SERPINE3: variants seen among roughly 807,000 people sequenced by gnomAD.
SERPINE3 encodes the protein serpin E3.
In SERPINE3, 43 loss-of-function variants were observed where a neutral mutation model predicts 41.7. That is an observed-to-expected ratio of 1.03 (90% confidence interval 0.81 to 1.33). SERPINE3 has a LOEUF of 1.33. SERPINE3 is among the 40% of genes most tolerant of loss of function. SERPINE3 has a pLI of 0.00. For missense variants in SERPINE3, 440 were observed against 491.7 expected (o/e 0.89, Z 0.99); for synonymous variants, 200 against 192.2 (o/e 1.04, Z -0.34).
intron 7 of SERPINE3, among the ~76,000 whole-genome samples, chr13:51,358,452 G>A (rs1437382613): frequency 3.9e-5 from 6 of 152,110 alleles, no homozygotes. Flanking sequence ...CACCAACAAA[G>A]CACTGAAACA....
chr13:51,339,740 G>T lies in SERPINE3; in HGVS notation c.-99G>T, dbSNP rs1955272328. On this transcript the variant is annotated 5_prime_UTR_variant, in exon 1 of 10. Transcript: ENST00000681248. The stretch of plus-strand genomic sequence containing the variant: ...GGAAACGTGCAACAGTGATACAAAA[G>T]TCTGTGAGTACGTGGCTCATTCGAG... 1 of 152,258 alleles carries T rather than the reference G, an allele frequency of 6.6e-6. No individual in the cohort carries two copies. The highest frequency in any genetic ancestry group is 6.5e-5 in the Admixed American group (1 of 15,286). The allele number at this position is 152,258 out of a possible 1,614,324, so 9.4% of individuals were successfully genotyped here. A position where few individuals can be genotyped will look rare whatever the true frequency, so the allele number is the denominator to read the frequency against.
At chr13:51,355,249 TAAGA>T (rs1307470439) in intron 7 of SERPINE3, 106 bp downstream of exon 7, 2 of 466,438 alleles carry the variant, frequency 4.3e-6, no homozygotes, top group Non-Finnish European at 7.6e-6. Flanking sequence ...TGTAAAAGAA[TAAGA>T]AAGGTGCTCT....
intron 3 of SERPINE3, among the ~76,000 whole-genome samples, chr13:51,344,042 G>A (rs1248207683): frequency 6.6e-6 from 1 of 152,122 alleles, no homozygotes. Flanking sequence ...TATCTAGCAT[G>A]GTTTCTTCCC....
At chr13:51,350,888 A>G (rs1955396785) in intron 6 of SERPINE3, among the ~76,000 whole-genome samples, 1 of 152,172 alleles carries the variant, frequency 6.6e-6, no homozygotes, top group Non-Finnish European at 1.5e-5. Context: ...ATACAATTAC[A>G]TATTGTACAA....
intron 3 of SERPINE3, among the ~76,000 whole-genome samples, chr13:51,343,817 T>A (rs1169551716): frequency 1.3e-5 from 2 of 152,202 alleles, no homozygotes; most frequent in Non-Finnish European, 2.9e-5. Flanking sequence ...CCACCTCCCA[T>A]CATTGTCACT....
intron 4 of SERPINE3, among the ~76,000 whole-genome samples, chr13:51,345,962 G>A (rs1955342145): frequency 6.6e-6 from 1 of 152,174 alleles, no homozygotes; most frequent in South Asian, 2.1e-4. Context: ...CTATTTCAAT[G>A]CAATCCACAT....
rs746148500 is a variant in SERPINE3 at position 51,341,224 on chromosome 13, A to C, written c.133A>C (p.Arg45=). The change falls in exon 3 of 10, where the codon AGA becomes CGA. Residue 45 remains arginine (R), a synonymous_variant. Coordinates refer to ENST00000681248, the MANE Select transcript of SERPINE3 (RefSeq NM_001386375.1). The part of the protein sequence containing the change: ...LHLYQSVAAC[R]NETNFVISPA... ...CCTCTACCAGAGTGTGGCCGCGTGT[A>C]GAAATGAGACGAACTTTGTCATCTC... is the stretch of plus-strand genomic sequence containing the variant. The C allele has an allele frequency of 1.2e-6, 2 of 1,614,008 alleles. No homozygotes were observed. Among genetic ancestry groups the C allele is most frequent in the South Asian group, 2.2e-5 (2 of 91,086 alleles).
chr13:51,344,288 CCA>C lies in SERPINE3; in HGVS notation c.297_298del (p.Leu100ThrfsTer36), dbSNP rs1437958970. 8 of 1,613,794 alleles carry C rather than the reference CCA, an allele frequency of 5.0e-6. No homozygotes were observed. Among genetic ancestry groups the C allele is most frequent in the Middle Eastern group, 3.3e-4 (2 of 6,084 alleles). ...AAAGATTTCTTGCATGCTGTTTATG[CCA>C]CACTACCCACCTCCAGCCAAGGCAC... On this transcript the variant is annotated frameshift_variant, in exon 4 of 10. Transcript: ENST00000681248. LOFTEE classifies it high-confidence loss of function.
intron 5 of SERPINE3, among the ~76,000 whole-genome samples, chr13:51,347,972 C>G (rs1955365740): frequency 6.6e-6 from 1 of 152,118 alleles, no homozygotes; most frequent in Non-Finnish European, 1.5e-5. Flanking sequence ...CCCCCATACC[C>G]AGTCCTAGAG....
chr13:51,350,779 T>C (rs568956519), intron 6 of SERPINE3, among the ~76,000 whole-genome samples: 2 of 152,262 alleles, frequency 1.3e-5, no homozygotes, highest in South Asian at 4.1e-4. Context: ...CCATATCCAT[T>C]AGCAGTCACT....
intron 4 of SERPINE3, among the ~76,000 whole-genome samples, chr13:51,344,722 G>A (rs1476829667): frequency 4.6e-5 from 7 of 151,322 alleles, no homozygotes; most frequent in South Asian, 2.1e-4. Context: ...ACACACACAC[G>A]AGCCACAAGA....
At chr13:51,361,137 A>AGG (rs1465117699) in intron 7 of SERPINE3, 141 bp from the exon 8 acceptor site, 4 of 538,632 alleles carry the variant, frequency 7.4e-6, no homozygotes, top group Non-Finnish European at 6.6e-6. Context: ...CAAAAACAGA[A>AGG]TTTTCCACTC....
intron 5 of SERPINE3, among the ~76,000 whole-genome samples, chr13:51,347,760 C>T (rs79891478): frequency 6.6e-6 from 1 of 152,168 alleles, no homozygotes; most frequent in African/African-American, 2.4e-5. Flanking sequence ...ATGAACCATC[C>T]CTTTGTCCAG....
rs1318406741 is a variant in SERPINE3 at position 51,342,504 on chromosome 13, C to T, written c.256+1157C>T. ...CAGTCAACCTCCGGCATTTTTTACCCTGTCATTGCATATTCTGGCAGGTCT... is the reference window on the plus strand; with the variant it reads ...CAGTCAACCTCCGGCATTTTTTACCTTGTCATTGCATATTCTGGCAGGTCT... On this transcript the variant is annotated intron_variant, in intron 3 of 9. Transcript: ENST00000681248. Among the ~76,000 whole-genome samples the T allele has an allele frequency of 2.0e-5, 3 of 152,350 alleles. No homozygotes were observed. In the South Asian group the frequency reaches 6.2e-4, roughly 32 times the overall value.
intron 6 of SERPINE3, among the ~76,000 whole-genome samples, chr13:51,351,298 C>T (rs770024810): frequency 6.6e-6 from 1 of 152,148 alleles, no homozygotes; most frequent in Non-Finnish European, 1.5e-5. Context: ...TCTCCACATC[C>T]TTGTCAACAC....
intron 7 of SERPINE3, among the ~76,000 whole-genome samples, chr13:51,355,733 T>C (rs1309657507): frequency 6.6e-6 from 1 of 152,148 alleles, no homozygotes; most frequent in African/African-American, 2.4e-5. Context: ...TTGCTTATGG[T>C]ATTATAGGAA....
chr13:51,348,528 A>C (rs1226999108), intron 6 of SERPINE3, 117 bp downstream of exon 6: 1 of 758,596 alleles, frequency 1.3e-6, no homozygotes, highest in Non-Finnish European at 2.1e-6. Context: ...TGACTTGTTT[A>C]ATATGTATCC....
intron 9 of SERPINE3, chr13:51,362,372 T>G: frequency 5.8e-6 from 1 of 170,958 alleles, no homozygotes; most frequent in Non-Finnish European, 1.2e-5. Context: ...AAATCAAATG[T>G]TTGCCCTAGT....
At chr13:51,345,486 C>T (rs1955336864) in intron 4 of SERPINE3, among the ~76,000 whole-genome samples, 3 of 146,626 alleles carry the variant, frequency 2.0e-5, no homozygotes, top group Non-Finnish European at 4.5e-5. Flanking sequence ...CCCAGCTACT[C>T]GGGGAGGCTG....
Sources: gnomAD v4.1 joint callset for allele counts (sites outside exome capture counted in the v4.1 genomes callset) on GRCh38, gnomAD v4.1.1 for gene constraint, MANE v1.5 for transcripts, NCBI Gene and HGNC (gene_info 2026-07-23, HGNC 2026-07-21) for gene names.